PLBD2: variants seen among roughly 807,000 people sequenced by gnomAD.
The protein encoded by PLBD2 is phospholipase B domain containing 2.
A neutral mutation model predicts 68.3 loss-of-function variants in PLBD2; 51 were observed. The ratio of observed to expected loss-of-function variants is 0.75; its 90% CI spans 0.60 to 0.94. The LOEUF is 0.94. Among genes scored for constraint, PLBD2 ranks in the 40% least tolerant of loss-of-function variants. The pLI is 0.00. For synonymous variants in PLBD2, 314 were observed against 339.3 expected, an observed-to-expected ratio of 0.93 and a Z score of 0.82; for missense variants, 729 against 792.2, an observed-to-expected ratio of 0.92 and a Z score of 0.96.
rs750793843 is a variant in PLBD2, at chr12:113,388,553, C to T, written c.1697C>T (p.Pro566Leu). The change falls in exon 12 of 12, where the codon CCC (proline) becomes CTC (leucine). Residue 566 changes from proline (P) to leucine (L), a missense_variant. Pro to Leu is a moderately conservative substitution (Grantham distance 98). Transcript: ENST00000280800. ...CCCCCGTTCCAGTGGAGCACCTCGC[C>T]CTTCAGCGGCCTGCTGCACATGGGC... ...QVPPFQWSTS[P>L]FSGLLHMGQP... The T allele has an allele frequency of 1.9e-6, 3 of 1,611,328 alleles. No individual in the cohort carries two copies. The highest frequency in any genetic ancestry group is 2.5e-6 in the Non-Finnish European group (3 of 1,178,648).
chr12:113,376,400 G>A (rs1283389595), intron 5 of PLBD2, among the ~76,000 whole-genome samples: 1 of 151,836 alleles, frequency 6.6e-6, no homozygotes, highest in Non-Finnish European at 1.5e-5. Flanking sequence ...CTGACCTCAG[G>A]TGATACAGCC....
rs986360256 is a variant in PLBD2, at chr12:113,358,614, T to C, written c.14T>C (p.Met5Thr). Residue 5 changes from methionine (M) to threonine (T), a missense_variant, in exon 1 of 12, where the codon ATG becomes ACG. By Grantham distance (81) the Met-to-Thr change is moderately conservative. Transcript: ENST00000280800. Reference protein sequence around the residue: MVGQMYCYPGSHLAR... With the variant: MVGQTYCYPGSHLAR... ...CATTGTGCGGTCATGGTGGGCCAGA[T>C]GTACTGCTACCCCGGCAGCCACCTG... 1.4e-6 allele frequency: 2 copies of C among 1,470,658 alleles called. No homozygotes were observed. Among genetic ancestry groups the C allele is most frequent in the Non-Finnish European group, 1.8e-6 (2 of 1,118,888 alleles). The allele number at this position is 1,470,658 out of a possible 1,614,324, so 91.1% of individuals were successfully genotyped here. A position where few individuals can be genotyped will look rare whatever the true frequency, so the allele number is the denominator to read the frequency against.
At chr12:113,379,644 A>G (rs796911479) in intron 5 of PLBD2, among the ~76,000 whole-genome samples, 12 of 152,064 alleles carry the variant, frequency 7.9e-5, no homozygotes, top group African/African-American at 2.9e-4. Context: ...TTCAGGTAGA[A>G]GGAGTTCTAG....
chr12:113,380,962 A>C lies in PLBD2; in HGVS notation c.957+120A>C. 4 of 948,816 alleles carry C rather than the reference A, an allele frequency of 4.2e-6. No homozygotes were observed. The South Asian group carries it at 5.8e-5, about 14-fold the overall frequency. 58.8% of individuals were successfully genotyped at this position (948,816 alleles called of 1,614,324 possible). A position where few individuals can be genotyped will look rare whatever the true frequency, so the allele number is the denominator to read the frequency against. ...AGGCTGCAGCCCAGTGCTGGGTGCC[A>C]TGTAGGAGCCAGGGGTGCAGTGGAG... On this transcript the variant is annotated intron_variant, in intron 6 of 11. Coordinates refer to ENST00000280800, the MANE Select transcript of PLBD2 (RefSeq NM_173542.4).
Position 113,384,038 on chromosome 12 carries a change from G to T in PLBD2, c.958-67G>T. The T allele has an allele frequency of 8.2e-6, 10 of 1,213,448 alleles. No homozygotes were observed. The highest frequency in any genetic ancestry group is 8.9e-6 in the Non-Finnish European group (8 of 898,008). The allele number at this position is 1,213,448 out of a possible 1,614,324, so 75.2% of individuals were successfully genotyped here. ...AAAAAAAATTTTTGGAGCCATGACTGATGAAGTACTGCCACTTGGTGGCAG... is the reference window on the plus strand; with the variant it reads ...AAAAAAAATTTTTGGAGCCATGACTTATGAAGTACTGCCACTTGGTGGCAG... On this transcript the variant is annotated intron_variant, in intron 6 of 11. Transcript: ENST00000280800. The surrounding 1 kb of genome is among the most constrained non-coding windows in gnomAD (Gnocchi z 4.2).
At chr12:113,359,139 C>T (rs1957263451) in intron 1 of PLBD2, among the ~76,000 whole-genome samples, 1 of 152,196 alleles carries the variant, frequency 6.6e-6, no homozygotes, top group Admixed American at 6.5e-5. Context: ...ACTTCTGTCC[C>T]CAAGAAGCCA....
At position 113,384,141 on chromosome 12, in the gene PLBD2, G is replaced by A. The variant is rs796098352; in HGVS notation, c.994G>A (p.Ala332Thr). 6.2e-7 allele frequency: 1 copy of A among 1,613,444 alleles called. No individual in the cohort carries two copies. Residue 332 changes from alanine to threonine, a missense_variant, in exon 7 of 12, where the codon GCC (alanine) becomes ACC (threonine). Transcript: ENST00000280800. The surrounding 1 kb of genome is among the most constrained non-coding windows in gnomAD (Gnocchi z 4.2). ...GACCACCATTGGCAACAAGAACCCA[G>A]CCCTGTGGAAGTATGTGCGGCCCAG... ...LETTIGNKNP[A>T]LWKYVRPRGC...
At chr12:113,373,039 C>T (rs1957403541) in intron 3 of PLBD2, among the ~76,000 whole-genome samples, 1 of 151,678 alleles carries the variant, frequency 6.6e-6, no homozygotes, top group African/African-American at 2.4e-5. Context: ...TAAATAATGA[C>T]CAAAAACAAA....
At chr12:113,383,776 G>A (rs577693795) in intron 6 of PLBD2, among the ~76,000 whole-genome samples, 2 of 151,558 alleles carry the variant, frequency 1.3e-5, no homozygotes, top group East Asian at 4.0e-4. Flanking sequence ...GGAGGTGGGC[G>A]GATCACTTGA....
At position 113,372,588 on chromosome 12, in the gene PLBD2, C is replaced by A; in HGVS notation, c.385-61C>A. On this transcript the variant is annotated intron_variant, in intron 2 of 11. Transcript: ENST00000280800. This position sits in a 1 kb window ranked among gnomAD's most constrained non-coding sequence, Gnocchi z 4.2. ...GCTCTGGGGCAGCCTGGGTGGGGGG[C>A]TCTCAGGGAAGAGAGCACCCCAGCT... 1 of 1,558,856 alleles carries A rather than the reference C, an allele frequency of 6.4e-7. No individual in the cohort carries two copies. Among genetic ancestry groups the A allele is most frequent in the Non-Finnish European group, 8.7e-7 (1 of 1,144,386 alleles).
Position 113,380,734 on chromosome 12 carries a change from T to C in PLBD2, c.860-11T>C. On this transcript the variant is annotated splice_polypyrimidine_tract_variant and intron_variant, in intron 5 of 11. Coordinates refer to ENST00000280800, the MANE Select transcript of PLBD2 (RefSeq NM_173542.4). Reference sequence around the variant, plus strand: ...TCTGACCAGCATCCCTGGCTCGCTCTGCCTGCACAGGGGACTACCCGCTGG... The same window carrying C: ...TCTGACCAGCATCCCTGGCTCGCTCCGCCTGCACAGGGGACTACCCGCTGG... 6.5e-7 allele frequency: 1 copy of C among 1,547,534 alleles called. No individual in the cohort carries two copies. The highest frequency in any genetic ancestry group is 8.7e-7 in the Non-Finnish European group (1 of 1,146,340).
intron 3 of PLBD2, among the ~76,000 whole-genome samples, chr12:113,373,761 GCTCA>G (rs1396837680): frequency 1.1e-4 from 13 of 113,280 alleles, no homozygotes; most frequent in Middle Eastern, 9.4e-3. Flanking sequence ...CTATCCATTC[GCTCA>G]CTCACTCATC....
At chr12:113,361,834 T>C (rs1434672275) in intron 1 of PLBD2, among the ~76,000 whole-genome samples, 2 of 152,116 alleles carry the variant, frequency 1.3e-5, no homozygotes, top group African/African-American at 2.4e-5. Context: ...CCTGATCTGA[T>C]CCCACTGACC....
In PLBD2 at chr12:113,387,829, T is replaced by G; in HGVS notation, c.1525T>G (p.Ser509Ala). The change falls in exon 11 of 12, where the codon TCC becomes GCC. Residue 509 changes from serine to alanine, a missense_variant. By Grantham distance (99) the Ser-to-Ala change is moderately conservative (BLOSUM62 1). Coordinates refer to ENST00000280800, the MANE Select transcript of PLBD2 (RefSeq NM_173542.4). ...TGGGGAGAATGCTATCTCCGCCCGC[T>G]CCGACCTCAACCCGGCCAATGGCTC... The part of the protein sequence containing the change: ...PNGENAISAR[S>A]DLNPANGSYP... The G allele has an allele frequency of 3.7e-6, 6 of 1,614,168 alleles. No individual in the cohort carries two copies. The highest frequency in any genetic ancestry group is 5.1e-6 in the Non-Finnish European group (6 of 1,180,010).
At chr12:113,382,835 T>TTTTTTTTTTGTGTGTGTGTGTGTGTG (rs1335785271) in intron 6 of PLBD2, among the ~76,000 whole-genome samples, 1 of 106,534 alleles carries the variant, frequency 9.4e-6, no homozygotes, top group African/African-American at 3.8e-5. Context: ...TGGTGGTTTT[T>TTTTTTTTTTGTGTGTGTGTGTGTGTG]TGTGTGTGTG....
intron 1 of PLBD2, chr12:113,359,249 T>G: frequency 4.6e-6 from 1 of 215,168 alleles, no homozygotes. Flanking sequence ...CCCTAGACTT[T>G]GCCTCCTCAC....
intron 5 of PLBD2, chr12:113,376,957 T>C (rs1312906309): frequency 2.6e-5 from 4 of 152,310 alleles, no homozygotes; most frequent in Non-Finnish European, 4.4e-5. Context: ...ATGTAAAAAC[T>C]TGATGGGACC....
In PLBD2 at chr12:113,382,867, G is replaced by T. The variant is rs199598844; in HGVS notation, c.958-1238G>T. Reference sequence around the variant, plus strand: ...TGTGTGTGTGTGTGTGTGTGTGTGTGTTTTTTTTTTTTTTTTTTTTTTTAG... The same window carrying T: ...TGTGTGTGTGTGTGTGTGTGTGTGTTTTTTTTTTTTTTTTTTTTTTTTTAG... On this transcript the variant is annotated intron_variant, in intron 6 of 11. Coordinates refer to ENST00000280800, the MANE Select transcript of PLBD2 (RefSeq NM_173542.4). 5.4e-3 allele frequency among the ~76,000 whole-genome samples: 439 copies of T among 81,774 alleles called. 7 individuals are homozygous for T. Among genetic ancestry groups the T allele is most frequent in the African/African-American group, 0.016 (340 of 21,818 alleles). 53.6% of individuals were successfully genotyped at this position (81,774 alleles called of 152,430 possible).
chr12:113,387,891 G>T lies in PLBD2; in HGVS notation c.1587G>T (p.Gly529=). ...PFQALRQRSH[G]GIDVKVTSMS... ...AGGCCCTGCGTCAGCGCTCCCATGG[G>T]GGTATCGATGTGAAGGTGCTGCCTC... is the stretch of plus-strand genomic sequence containing the variant. The change falls in exon 11 of 12, where the codon GGG becomes GGT. Residue 529 remains glycine (G), a synonymous_variant. Coordinates refer to ENST00000280800, the MANE Select transcript of PLBD2 (RefSeq NM_173542.4). 6.2e-7 allele frequency: 1 copy of T among 1,614,200 alleles called. No homozygotes were observed. Among genetic ancestry groups the T allele is most frequent in the Non-Finnish European group, 8.5e-7 (1 of 1,180,020 alleles).
Sources: allele counts gnomAD v4.1 joint callset (sites outside exome capture counted in the v4.1 genomes callset), GRCh38; gene constraint gnomAD v4.1.1; non-coding constraint Gnocchi (gnomAD v3.1); transcripts MANE v1.5; gene names NCBI Gene and HGNC (gene_info 2026-07-23, HGNC 2026-07-21).